The following PTPRB variants were observed in gnomAD, a reference collection of about 807,000 sequenced individuals.
PTPRB encodes protein tyrosine phosphatase receptor type B, also known as receptor-type tyrosine-protein phosphatase beta.
PTPRB carries 97 observed loss-of-function variants against 238.1 expected under a neutral mutation model. The ratio of observed to expected loss-of-function variants is 0.41; its 90% CI spans 0.35 to 0.48. The LOEUF is 0.48. Ranked by LOEUF, PTPRB falls within the 20% of genes least tolerant of loss-of-function variation. PTPRB has a pLI of 0.30. For missense variants in PTPRB, 2,292 were observed against 2,681.9 expected, an observed-to-expected ratio of 0.85 and a Z score of 3.21; for synonymous variants, 970 against 995.4, an observed-to-expected ratio of 0.97 and a Z score of 0.48.
intron 26 of PTPRB, 59 bp from the exon 27 acceptor site, chr12:70,539,073 T>A: frequency 1.5e-6 from 2 of 1,303,246 alleles, no homozygotes; most frequent in Non-Finnish European, 2.2e-6. Flanking sequence ...AAGCAAATCA[T>A]ACAGTCCTGG....
In PTPRB at chr12:70,552,827, G is replaced by T. The variant is rs368582883; in HGVS notation, c.5337C>A (p.Pro1779=). The part of the protein sequence containing the change: ...EMESLGGKCD[P]TQQKFCDGPL... ...GTCCATCACAGAATTTTTGCTGAGT[G>T]GGATCGCATTTTCCACCTAGGCTCT... Residue 1779 remains proline, a synonymous_variant, in exon 21 of 34, where the codon CCC becomes CCA. Transcript: ENST00000334414. 19 of 1,613,848 alleles carry T rather than the reference G, an allele frequency of 1.2e-5. No homozygotes were observed. The highest frequency in any genetic ancestry group is 1.7e-5 in the Admixed American group (1 of 59,998).
At chr12:70,573,404 G>T (rs1880312594) in intron 11 of PTPRB, among the ~76,000 whole-genome samples, 2 of 151,810 alleles carry the variant, frequency 1.3e-5, no homozygotes, top group African/African-American at 4.8e-5. Context: ...TTAGGTACTG[G>T]TTGGTTTCTT....
intron 27 of PTPRB, chr12:70,538,442 G>GC: frequency 1.9e-6 from 1 of 524,542 alleles, no homozygotes; most frequent in Non-Finnish European, 3.4e-6. Context: ...ACAACATGAA[G>GC]CCCCATCTGT....
At chr12:70,527,029 C>CA (rs1263544244) in intron 32 of PTPRB, among the ~76,000 whole-genome samples, 1 of 152,112 alleles carries the variant, frequency 6.6e-6, no homozygotes, top group Admixed American at 6.5e-5. Flanking sequence ...GAAAAGTAGA[C>CA]AAAATATATG....
chr12:70,588,599 C>T (rs557568185), intron 8 of PTPRB, among the ~76,000 whole-genome samples: 1 of 152,190 alleles, frequency 6.6e-6, no homozygotes, highest in African/African-American at 2.4e-5. Context: ...TGCCATTGCA[C>T]TCCAGCCTGG....
intron 2 of PTPRB, among the ~76,000 whole-genome samples, chr12:70,628,643 G>A (rs894643086): frequency 5.3e-5 from 8 of 152,130 alleles, no homozygotes; most frequent in Non-Finnish European, 7.4e-5. Context: ...CCATCTGATA[G>A]ATTCATAAAA....
At chr12:70,571,678 G>T in intron 12 of PTPRB, 146 bp downstream of exon 12, 2 of 907,180 alleles carry the variant, frequency 2.2e-6, no homozygotes, top group African/African-American at 1.7e-5. Context: ...ATAGGCCATG[G>T]CTTGGCTGAA....
At chr12:70,616,562 G>A (rs755450624) in intron 3 of PTPRB, among the ~76,000 whole-genome samples, 7 of 152,160 alleles carry the variant, frequency 4.6e-5, no homozygotes, top group Non-Finnish European at 8.8e-5. Flanking sequence ...CCTGATATAG[G>A]TCTGAGGTGG....
At chr12:70,633,851 C>T (rs1885566355) in intron 2 of PTPRB, among the ~76,000 whole-genome samples, 1 of 151,840 alleles carries the variant, frequency 6.6e-6, no homozygotes, top group African/African-American at 2.4e-5. Context: ...TTTAAAGTTC[C>T]AACTAAGTAA....
intron 32 of PTPRB, among the ~76,000 whole-genome samples, chr12:70,528,385 G>A (rs568652805): frequency 1.3e-5 from 2 of 152,086 alleles, no homozygotes; most frequent in Non-Finnish European, 2.9e-5. Flanking sequence ...GAGTCAGCAA[G>A]GGAACTTTGA....
Position 70,560,718 on chromosome 12 carries a change from G to A in PTPRB, c.4385C>T (p.Thr1462Ile), listed in dbSNP as rs1201272144. The change falls in exon 17 of 34, where the codon ACT becomes ATT. Residue 1462 changes from threonine to isoleucine, a missense_variant. By Grantham distance (89) the Thr-to-Ile change is moderately conservative. Around this residue, in one of 4 missense-constraint regions of PTPRB, gnomAD observed 683 missense variants for 862.0 expected, o/e 0.79. Coordinates refer to ENST00000334414, the MANE Select transcript of PTPRB (RefSeq NM_001109754.4). The surrounding 1 kb of genome is among the most constrained non-coding windows in gnomAD (Gnocchi z 4.2). ...TTTATTGCTGAGATCTCCACTGTGA[G>A]TTACCACCCACAGCACGTACTTCCT... ...PGRKYVLWVV[T>I]HSGDLSNKVT... 1 of 1,613,934 alleles carries A rather than the reference G, an allele frequency of 6.2e-7. No individual in the cohort carries two copies. The highest frequency in any genetic ancestry group is 8.5e-7 in the Non-Finnish European group (1 of 1,179,886).
intron 3 of PTPRB, among the ~76,000 whole-genome samples, chr12:70,612,786 A>C (rs1413245484): frequency 6.6e-6 from 1 of 152,088 alleles, no homozygotes; most frequent in Non-Finnish European, 1.5e-5. Flanking sequence ...CAGGAGTTTG[A>C]GACCAGCCTG....
chr12:70,620,027 T>C (rs1475195464), intron 3 of PTPRB, among the ~76,000 whole-genome samples: 2 of 152,202 alleles, frequency 1.3e-5, no homozygotes, highest in Admixed American at 6.5e-5. Flanking sequence ...GTTAGAGTCA[T>C]GAGAGCTGCA....
At chr12:70,579,695 C>CAA (rs35887706) in intron 10 of PTPRB, among the ~76,000 whole-genome samples, 3,259 of 90,892 alleles carry the variant, frequency 0.036, 80 homozygotes, top group Non-Finnish European at 0.05. Context: ...GACTCCATCT[C>CAA]AAAAAAAAAA....
At chr12:70,615,467 C>A (rs914904821) in intron 3 of PTPRB, among the ~76,000 whole-genome samples, 5 of 152,156 alleles carry the variant, frequency 3.3e-5, no homozygotes, top group Non-Finnish European at 2.9e-5. Flanking sequence ...TTTTCCCACA[C>A]CCATTTATCA....
chr12:70,637,413 T>C lies in PTPRB; in HGVS notation c.-18A>G. On this transcript the variant is annotated 5_prime_UTR_variant, in exon 1 of 34. Transcript: ENST00000334414. ...GCCTCCATTTTCCACTTAGCAACTGTTCATGCTTCGCTTGGGGAAAAAAAA... is the reference window on the plus strand; with the variant it reads ...GCCTCCATTTTCCACTTAGCAACTGCTCATGCTTCGCTTGGGGAAAAAAAA... The C allele has an allele frequency of 1.9e-6, 3 of 1,603,278 alleles. No individual in the cohort carries two copies. The highest frequency in any genetic ancestry group is 1.1e-5 in the South Asian group (1 of 88,752).
intron 6 of PTPRB, among the ~76,000 whole-genome samples, chr12:70,593,299 A>C (rs1184797749): frequency 6.6e-6 from 1 of 152,020 alleles, no homozygotes; most frequent in Non-Finnish European, 1.5e-5. Flanking sequence ...AATCACCTGA[A>C]GTCAGGAGTT....
chr12:70,560,537 C>T lies in PTPRB; in HGVS notation c.4432+134G>A. 1 of 1,167,288 alleles carries T rather than the reference C, an allele frequency of 8.6e-7. No individual in the cohort carries two copies. Among genetic ancestry groups the T allele is most frequent in the Non-Finnish European group, 1.2e-6 (1 of 839,336 alleles). 72.3% of individuals were successfully genotyped at this position (1,167,288 alleles called of 1,614,324 possible). The stretch of plus-strand genomic sequence containing the variant: ...GTCCTTTATCTGTTGTCCCACAGTC[C>T]CTTCCCAAATTCAGGGGCTAGCTCA... On this transcript the variant is annotated intron_variant, in intron 17 of 33. Coordinates refer to ENST00000334414, the MANE Select transcript of PTPRB (RefSeq NM_001109754.4). This position sits in a 1 kb window ranked among gnomAD's most constrained non-coding sequence, Gnocchi z 4.2.
Position 70,633,607 on chromosome 12 carries a change from G to T in PTPRB, c.451+2064C>A, listed in dbSNP as rs116598403. Among the ~76,000 whole-genome samples the T allele has an allele frequency of 3.7e-3, 560 of 152,238 alleles. 3 individuals are homozygous for T. Among genetic ancestry groups the T allele is most frequent in the African/African-American group, 0.013 (551 of 41,552 alleles). ...ATAAGGGTGTTTTTGTACCACAATT[G>T]TGCAAATTTTAACTTCTGCTTTTTC... On this transcript the variant is annotated intron_variant, in intron 2 of 33. Coordinates refer to ENST00000334414, the MANE Select transcript of PTPRB (RefSeq NM_001109754.4).
Sources: gnomAD v4.1 joint callset for allele counts (sites outside exome capture counted in the v4.1 genomes callset) on GRCh38, gnomAD v4.1.1 for gene constraint, gnomAD v4.1.1 regional missense constraint, Gnocchi (gnomAD v3.1) non-coding constraint, MANE v1.5 for transcripts, NCBI Gene and HGNC (gene_info 2026-07-23, HGNC 2026-07-21) for gene names.